The following RC3H1 variants were observed in gnomAD, a reference collection of about 807,000 sequenced individuals.
The protein encoded by RC3H1 is ring finger and CCCH-type domains 1.
RC3H1 carries 50 observed loss-of-function variants against 138.2 expected under a neutral mutation model. The observed-to-expected ratio is 0.36, with a 90% CI of 0.29 to 0.46. The LOEUF is 0.46. Ranked by LOEUF, RC3H1 falls within the 20% of genes least tolerant of loss-of-function variation. The pLI is 1.00. For missense variants in RC3H1, 1,031 were observed against 1,388.1 expected (o/e 0.74, Z 4.09); for synonymous variants, 462 against 489.1 (o/e 0.94, Z 0.73).
intron 19 of RC3H1, among the ~76,000 whole-genome samples, chr1:173,940,594 A>G (rs891459668): frequency 6.6e-6 from 1 of 151,932 alleles, no homozygotes; most frequent in Non-Finnish European, 1.5e-5. Flanking sequence ...TCCTAAAGCT[A>G]ATTTTTTATA....
rs1265331657 is a variant in RC3H1 at position 173,933,948 on chromosome 1, G to A, written c.*4773C>T. 1.3e-5 allele frequency: 2 copies of A among 152,082 alleles called. No individual in the cohort carries two copies. The highest frequency in any genetic ancestry group is 2.1e-4 in the South Asian group (1 of 4,834). The allele number at this position is 152,082 out of a possible 1,614,324, so 9.4% of individuals were successfully genotyped here. On this transcript the variant is annotated 3_prime_UTR_variant, in exon 20 of 20. Transcript: ENST00000367696. ...ATTTAACACACTTAGACTCTTATTA[G>A]GGGGAAAAAATCTAAGTAAACACTG...
chr1:174,015,982 C>T (rs1158822254), intron 1 of RC3H1: 2 of 152,048 alleles, frequency 1.3e-5, no homozygotes, highest in Non-Finnish European at 2.9e-5. Flanking sequence ...AGGTAGATCA[C>T]CTGAGATCAG....
At chr1:173,999,840 A>C (rs1661533885) in intron 1 of RC3H1, among the ~76,000 whole-genome samples, 2 of 152,222 alleles carry the variant, frequency 1.3e-5, no homozygotes, top group Admixed American at 6.5e-5. Context: ...ACTGTAATGT[A>C]GTTATTATGC....
chr1:173,947,442 A>C lies in RC3H1; in HGVS notation c.2664T>G (p.Thr888=), dbSNP rs557228560. ...GCATTGGACCAGCACCCTGATATAT[A>C]GTTTTGGAAGTTCGTGAGATGGCAC... ...RFGAISRTSK[T]IYQGAGPMQA... The change falls in exon 15 of 20, where the codon ACT becomes ACG. Residue 888 remains threonine (T), a synonymous_variant. Coordinates refer to ENST00000367696, the MANE Select transcript of RC3H1 (RefSeq NM_172071.4). The C allele has an allele frequency of 6.2e-7, 1 of 1,613,942 alleles. No homozygotes were observed. The highest frequency in any genetic ancestry group is 1.7e-4 in the Middle Eastern group (1 of 6,054).
intron 2 of RC3H1, among the ~76,000 whole-genome samples, chr1:173,989,455 C>T (rs1661170339): frequency 6.6e-6 from 1 of 152,126 alleles, no homozygotes; most frequent in African/African-American, 2.4e-5. Flanking sequence ...TCCCACAGTG[C>T]TGGGATTACA....
intron 1 of RC3H1, among the ~76,000 whole-genome samples, chr1:173,993,926 G>A (rs111260529): frequency 0.29 from 42,728 of 148,842 alleles, 11,017 homozygotes; most frequent in African/African-American, 0.7. Context: ...AGGCTGAGGC[G>A]GGAGAATCGC....
chr1:173,993,401 T>C (rs187506463), intron 1 of RC3H1, among the ~76,000 whole-genome samples: 234 of 145,444 alleles, frequency 1.6e-3, no homozygotes, highest in African/African-American at 6.2e-3. Context: ...GTCTCTTAAG[T>C]TTATCTAAGT....
chr1:173,951,016 C>G (rs138447066), intron 14 of RC3H1, among the ~76,000 whole-genome samples: 1 of 150,960 alleles, frequency 6.6e-6, no homozygotes, highest in Non-Finnish European at 1.5e-5. Flanking sequence ...AAGATCGATC[C>G]TATCTCTATA....
At chr1:174,017,788 A>C (rs1392274738) in intron 1 of RC3H1, among the ~76,000 whole-genome samples, 1 of 99,446 alleles carries the variant, frequency 1.0e-5, no homozygotes, top group Admixed American at 9.4e-5. Flanking sequence ...TTGCTCAAAA[A>C]AAAAAAAAAA....
At position 174,022,248 on chromosome 1, in the gene RC3H1, C is replaced by T; in HGVS notation, c.-303G>A. 2.6e-6 allele frequency: 1 copy of T among 391,638 alleles called. No homozygotes were observed. Among genetic ancestry groups the T allele is most frequent in the East Asian group, 3.7e-5 (1 of 27,370 alleles). The allele number at this position is 391,638 out of a possible 1,614,324, so 24.3% of individuals were successfully genotyped here. A position where few individuals can be genotyped will look rare whatever the true frequency, so the allele number is the denominator to read the frequency against. ...CTGCCGCCGCCACCGCCAGCACCGCCTCCGGCCTCCCACCTGCTGCTGCTG... is the reference window on the plus strand; with the variant it reads ...CTGCCGCCGCCACCGCCAGCACCGCTTCCGGCCTCCCACCTGCTGCTGCTG... On this transcript the variant is annotated 5_prime_UTR_variant, in exon 1 of 20. Transcript: ENST00000367696. This position sits in a 1 kb window ranked among gnomAD's most constrained non-coding sequence, Gnocchi z 4.2.
intron 15 of RC3H1, among the ~76,000 whole-genome samples, 157 bp from the exon 16 acceptor site, chr1:173,946,993 A>G (rs1659165161): frequency 6.6e-6 from 1 of 152,204 alleles, no homozygotes; most frequent in African/African-American, 2.4e-5. Flanking sequence ...GTTTTTCTAA[A>G]TATCAGGCAG....
chr1:174,012,713 G>A (rs1338699136), intron 1 of RC3H1, among the ~76,000 whole-genome samples: 1 of 151,692 alleles, frequency 6.6e-6, no homozygotes, highest in East Asian at 1.9e-4. Flanking sequence ...GGACCCAGGA[G>A]GCAGAGCTTG....
intron 9 of RC3H1, among the ~76,000 whole-genome samples, chr1:173,966,218 C>T (rs1387296407): frequency 6.6e-6 from 1 of 152,016 alleles, no homozygotes; most frequent in Non-Finnish European, 1.5e-5. Context: ...TATGCCAATA[C>T]AAAATTAAAG....
At chr1:174,019,634 A>G (rs1486675027) in intron 1 of RC3H1, among the ~76,000 whole-genome samples, 1 of 152,202 alleles carries the variant, frequency 6.6e-6, no homozygotes, top group Non-Finnish European at 1.5e-5. Context: ...ATTAACTTTT[A>G]ATATTACCAA....
At chr1:173,989,815 T>C (rs561544021) in intron 2 of RC3H1, among the ~76,000 whole-genome samples, 67 of 146,012 alleles carry the variant, frequency 4.6e-4, no homozygotes, top group Admixed American at 1.3e-3. Flanking sequence ...CAAGCTCCGC[T>C]TCCCGGGTTC....
chr1:173,983,647 C>A lies in RC3H1; in HGVS notation c.363G>T (p.Leu121=). The A allele has an allele frequency of 6.2e-7, 1 of 1,614,056 alleles. No individual in the cohort carries two copies. The highest frequency in any genetic ancestry group is 1.1e-5 in the South Asian group (1 of 91,068). The change falls in exon 4 of 20, where the codon CTG becomes CTT. Residue 121 remains leucine, a synonymous_variant. Transcript: ENST00000367696. ...KPLSSARGVG[L]NSTTQSVLSR... The stretch of plus-strand genomic sequence containing the variant: ...TCAGAACACTCTGAGTAGTGCTGTT[C>A]AGACCCACTCCTTTAAAAGAGTAAA...
intron 19 of RC3H1, among the ~76,000 whole-genome samples, chr1:173,940,023 T>C (rs537926919): frequency 4.7e-4 from 71 of 152,284 alleles, no homozygotes; most frequent in African/African-American, 1.6e-3. Flanking sequence ...ATTGTAATAC[T>C]GTTTATTGTA....
Position 173,949,122 on chromosome 1 carries a change from A to AT in RC3H1, c.2524-1541dup, listed in dbSNP as rs1412213094. The stretch of plus-strand genomic sequence containing the variant: ...GCTTTTTCTTCCTCTAAAACTCTCT[A>AT]TTTTTTTGGGGGGGGGGGTGGGGCT... On this transcript the variant is annotated intron_variant, in intron 14 of 19. Coordinates refer to ENST00000367696, the MANE Select transcript of RC3H1 (RefSeq NM_172071.4). Among the ~76,000 whole-genome samples, 54 of 64,498 alleles carry AT rather than the reference A, an allele frequency of 8.4e-4. 1 individual carries two copies. Among genetic ancestry groups the AT allele is most frequent in the African/African-American group, 1.2e-3 (14 of 11,866 alleles). The allele number at this position is 64,498 out of a possible 152,430, so 42.3% of individuals were successfully genotyped here. A position where few individuals can be genotyped will look rare whatever the true frequency, so the allele number is the denominator to read the frequency against.
At chr1:173,940,234 G>A (rs1658788312) in intron 19 of RC3H1, among the ~76,000 whole-genome samples, 1 of 152,170 alleles carries the variant, frequency 6.6e-6, no homozygotes. Context: ...CACTTTGGGA[G>A]GCCGAGGCAG....
Sources: gnomAD v4.1 joint callset for allele counts (sites outside exome capture counted in the v4.1 genomes callset) on GRCh38, gnomAD v4.1.1 for gene constraint, Gnocchi (gnomAD v3.1) non-coding constraint, MANE v1.5 for transcripts, NCBI Gene and HGNC (gene_info 2026-07-23, HGNC 2026-07-21) for gene names.